The following MBOAT2 variants were observed in gnomAD, a reference collection of about 807,000 sequenced individuals.
MBOAT2 encodes the protein membrane bound glycerophospholipid O-acyltransferase 2, also known as membrane-bound glycerophospholipid O-acyltransferase 2.
In MBOAT2, 28 loss-of-function variants were observed where a neutral mutation model predicts 63.4. The ratio of observed to expected loss-of-function variants is 0.44; its 90% CI spans 0.33 to 0.61. The LOEUF is 0.61. Ranked by LOEUF, MBOAT2 falls within the 20% of genes least tolerant of loss-of-function variation. The pLI, the probability that MBOAT2 is intolerant of heterozygous loss-of-function variation, is 0.03. For synonymous variants in MBOAT2, 211 were observed against 215.6 expected (o/e 0.98, Z 0.19); for missense variants, 470 against 605.8 (o/e 0.78, Z 2.35).
chr2:8,913,374 G>C (rs941545516), intron 3 of MBOAT2, among the ~76,000 whole-genome samples: 2 of 151,784 alleles, frequency 1.3e-5, no homozygotes, highest in Non-Finnish European at 2.9e-5. Context: ...ATGGCAAAAG[G>C]AACAGTCAGC....
intron 3 of MBOAT2, among the ~76,000 whole-genome samples, chr2:8,939,265 C>A (rs554675713): frequency 6.6e-6 from 1 of 152,264 alleles, no homozygotes; most frequent in Admixed American, 6.5e-5. Context: ...ACTTGTCCCC[C>A]ACATCCATGT....
chr2:8,894,301 T>C (rs1025670408), intron 4 of MBOAT2, among the ~76,000 whole-genome samples: 1 of 152,138 alleles, frequency 6.6e-6, no homozygotes, highest in Admixed American at 6.5e-5. Flanking sequence ...AAGCAAACCA[T>C]AAATAGATCC....
chr2:8,974,014 GGAAT>G (rs1670647850), intron 1 of MBOAT2, among the ~76,000 whole-genome samples: 1 of 152,104 alleles, frequency 6.6e-6, no homozygotes, highest in Non-Finnish European at 1.5e-5. Flanking sequence ...TGAAGTGAAT[GGAAT>G]GAATGCTCTC....
intron 4 of MBOAT2, among the ~76,000 whole-genome samples, chr2:8,900,380 T>C (rs1026786319): frequency 6.6e-6 from 1 of 152,218 alleles, no homozygotes; most frequent in East Asian, 1.9e-4. Flanking sequence ...TAGCATGACA[T>C]CTCTCCAAGT....
rs140474307 is a variant in MBOAT2 at position 8,925,888 on chromosome 2, T to A, written c.300-17172A>T. Among the ~76,000 whole-genome samples the A allele has an allele frequency of 8.4e-3, 1,274 of 152,354 alleles. 11 individuals are homozygous for A. Among genetic ancestry groups the A allele is most frequent in the Non-Finnish European group, 0.013 (917 of 68,036 alleles). ...TAGTGGTACATAAAATAACGGTACA[T>A]CTTACCATCAATGACATCTCATATT... On this transcript the variant is annotated intron_variant, in intron 3 of 12. Coordinates refer to ENST00000305997, the MANE Select transcript of MBOAT2 (RefSeq NM_138799.4).
intron 2 of MBOAT2, among the ~76,000 whole-genome samples, chr2:8,956,857 T>G (rs1669265000): frequency 6.6e-6 from 1 of 152,156 alleles, no homozygotes; most frequent in African/African-American, 2.4e-5. Context: ...GATTTCTAGG[T>G]AAAGAGATGC....
At chr2:8,953,307 G>A (rs926606677) in intron 2 of MBOAT2, among the ~76,000 whole-genome samples, 7 of 152,150 alleles carry the variant, frequency 4.6e-5, no homozygotes, top group Non-Finnish European at 1.0e-4. Flanking sequence ...TGGCTTGTAA[G>A]GTTAGCCTGA....
chr2:8,874,128 CA>C (rs928207835), intron 7 of MBOAT2, among the ~76,000 whole-genome samples: 2 of 152,206 alleles, frequency 1.3e-5, no homozygotes, highest in Non-Finnish European at 2.9e-5. Flanking sequence ...AGTAATTTAT[CA>C]ATGAAGCTCC....
chr2:8,893,362 T>A (rs1192442666), intron 4 of MBOAT2, among the ~76,000 whole-genome samples: 3 of 152,124 alleles, frequency 2.0e-5, no homozygotes, highest in Non-Finnish European at 4.4e-5. Flanking sequence ...GCAGGGTACA[T>A]AGGCAGCTGG....
rs149971409 is a variant in MBOAT2 at position 8,877,161 on chromosome 2, T to G, written c.559A>C (p.Ile187Leu). The G allele has an allele frequency of 8.1e-5, 130 of 1,613,926 alleles. No homozygotes were observed. The highest frequency in any genetic ancestry group is 1.1e-4 in the Non-Finnish European group (124 of 1,179,984). ...YLSYNCNFMGILAGPLCSYKD... is the reference protein window; with the variant it reads ...YLSYNCNFMGLLAGPLCSYKD... ...TAAGAGCAAAGTGGGCCTGCCAGGA[T>G]CCCCATGAAGTTACAGTTGTAACTC... The change falls in exon 7 of 13, where the codon ATC (isoleucine) becomes CTC (leucine). Residue 187 changes from isoleucine (I) to leucine (L), a missense_variant. Physicochemically the swap from Ile to Leu is conservative, Grantham distance 5. Coordinates refer to ENST00000305997, the MANE Select transcript of MBOAT2 (RefSeq NM_138799.4).
intron 7 of MBOAT2, among the ~76,000 whole-genome samples, chr2:8,876,278 TG>T (rs1453580817): frequency 6.6e-6 from 1 of 152,254 alleles, no homozygotes; most frequent in Non-Finnish European, 1.5e-5. Flanking sequence ...CAGATTGCAC[TG>T]GTTTGAATTC....
intron 9 of MBOAT2, among the ~76,000 whole-genome samples, chr2:8,867,218 T>C (rs1661963137): frequency 1.3e-5 from 2 of 152,060 alleles, no homozygotes; most frequent in South Asian, 2.1e-4. Context: ...GGTTTTGCCA[T>C]GTTGCCCAGG....
chr2:8,979,077 T>C (rs1671026083), intron 1 of MBOAT2, among the ~76,000 whole-genome samples: 1 of 152,136 alleles, frequency 6.6e-6, no homozygotes, highest in Non-Finnish European at 1.5e-5. Flanking sequence ...ACAAAAAAAC[T>C]CCTCTACTGG....
chr2:8,944,011 C>T (rs961504294), intron 2 of MBOAT2, among the ~76,000 whole-genome samples: 28 of 152,014 alleles, frequency 1.8e-4, no homozygotes, highest in South Asian at 2.1e-4. Context: ...TTACAGGTGC[C>T]CACCACCACA....
At chr2:8,905,744 T>C (rs767749801) in intron 4 of MBOAT2, among the ~76,000 whole-genome samples, 17 of 152,200 alleles carry the variant, frequency 1.1e-4, no homozygotes, top group Non-Finnish European at 1.9e-4. Flanking sequence ...ACATGGCACA[T>C]GTATACGTAT....
chr2:8,856,814 C>T lies in MBOAT2; in HGVS notation c.*1865G>A, dbSNP rs1342079550. ...AAGTGATCCGCCCACCTCGGCCTCC[C>T]AAAGTGCTAGGATTACAGGTGTGAG... is the stretch of plus-strand genomic sequence containing the variant. On this transcript the variant is annotated 3_prime_UTR_variant, in exon 13 of 13. Coordinates refer to ENST00000305997, the MANE Select transcript of MBOAT2 (RefSeq NM_138799.4). This position sits in a 1 kb window ranked among gnomAD's most constrained non-coding sequence, Gnocchi z 4.2. 2.0e-5 allele frequency: 3 copies of T among 152,172 alleles called. No homozygotes were observed. The highest frequency in any genetic ancestry group is 7.2e-5 in the African/African-American group (3 of 41,420). The allele number at this position is 152,172 out of a possible 1,614,324, so 9.4% of individuals were successfully genotyped here.
In MBOAT2 at chr2:8,923,120, T is replaced by C. The variant is rs1666698273; in HGVS notation, c.300-14404A>G. Reference sequence around the variant, plus strand: ...CCCTTGTTCAAAAGTTGAAACCATATTGGTAAAGACTAACAAAAGGTCACA... The same window carrying C: ...CCCTTGTTCAAAAGTTGAAACCATACTGGTAAAGACTAACAAAAGGTCACA... On this transcript the variant is annotated intron_variant, in intron 3 of 12. Transcript: ENST00000305997. Among the ~76,000 whole-genome samples the C allele has an allele frequency of 5.9e-5, 9 of 152,204 alleles. No homozygotes were observed. In the South Asian group the frequency reaches 1.9e-3, roughly 31 times the overall value.
intron 1 of MBOAT2, among the ~76,000 whole-genome samples, chr2:8,980,006 T>C (rs1222865637): frequency 1.3e-5 from 2 of 152,124 alleles, no homozygotes; most frequent in African/African-American, 4.8e-5. Flanking sequence ...GAATGTTAAA[T>C]AGCCCTACAC....
intron 3 of MBOAT2, among the ~76,000 whole-genome samples, chr2:8,912,367 AAGAAAG>A (rs753662736): frequency 1.3e-3 from 126 of 93,624 alleles, no homozygotes; most frequent in African/African-American, 4.7e-3. Flanking sequence ...GAAAGAAAGA[AAGAAAG>A]AGAAAGAAAG....
Sources: allele counts gnomAD v4.1 joint callset (sites outside exome capture counted in the v4.1 genomes callset), GRCh38; gene constraint gnomAD v4.1.1; non-coding constraint Gnocchi (gnomAD v3.1); transcripts MANE v1.5; gene names NCBI Gene and HGNC (gene_info 2026-07-23, HGNC 2026-07-21).